SIPA1L2: variants seen among roughly 807,000 people sequenced by gnomAD.
The protein encoded by SIPA1L2 is signal-induced proliferation-associated 1-like protein 2.
In SIPA1L2, 56 loss-of-function variants were observed where a neutral mutation model predicts 163.9. The ratio of observed to expected loss-of-function variants is 0.34; its 90% CI spans 0.28 to 0.43. The LOEUF (loss-of-function observed/expected upper bound fraction) is 0.43. Ranked by LOEUF, SIPA1L2 falls within the 20% of genes least tolerant of loss-of-function variation. SIPA1L2 has a pLI of 1.00. For missense variants in SIPA1L2, 1,974 were observed against 2,193.5 expected (o/e 0.90, Z 2.00); for synonymous variants, 877 against 865.7 (o/e 1.01, Z -0.23).
intron 19 of SIPA1L2, among the ~76,000 whole-genome samples, chr1:232,408,384 A>G (rs958902905): frequency 6.6e-6 from 1 of 151,976 alleles, no homozygotes; most frequent in South Asian, 2.1e-4. Flanking sequence ...AAGCTTTTTA[A>G]TTCTTTTTAA....
chr1:232,448,248 T>C (rs1273577190), intron 10 of SIPA1L2, among the ~76,000 whole-genome samples: 1 of 152,204 alleles, frequency 6.6e-6, no homozygotes, highest in East Asian at 1.9e-4. Context: ...GCGAAGCTAA[T>C]TGGTGCAGTT....
intron 3 of SIPA1L2, among the ~76,000 whole-genome samples, chr1:232,506,490 A>G (rs1304089549): frequency 2.0e-5 from 3 of 152,214 alleles, no homozygotes; most frequent in Non-Finnish European, 4.4e-5. Context: ...ACCTCCAACT[A>G]TAATTAAAAT....
At chr1:232,478,812 A>G (rs11579675) in intron 7 of SIPA1L2, among the ~76,000 whole-genome samples, 1,790 of 149,202 alleles carry the variant, frequency 0.012, 43 homozygotes, top group African/African-American at 0.041. Context: ...AAGCAGTAAC[A>G]TTCTTCAAAA....
Position 232,514,248 on chromosome 1 carries a change from T to A in SIPA1L2, c.1092A>T (p.Ala364=). ...GGCCCGTAGGCATCTGAGTCTGGGATGCTGCAGATGCCCCAGTGGTTATGT... is the reference window on the plus strand; with the variant it reads ...GGCCCGTAGGCATCTGAGTCTGGGAAGCTGCAGATGCCCCAGTGGTTATGT... The part of the protein sequence containing the change: ...RKNITTGASA[A]SQTQMPTGQT... Residue 364 remains alanine (A), a synonymous_variant, in exon 3 of 23, where the codon GCA becomes GCT. Coordinates refer to ENST00000674635, the MANE Select transcript of SIPA1L2 (RefSeq NM_020808.5). The A allele has an allele frequency of 6.2e-7, 1 of 1,614,240 alleles. No homozygotes were observed. Among genetic ancestry groups the A allele is most frequent in the Non-Finnish European group, 8.5e-7 (1 of 1,180,054 alleles).
chr1:232,432,496 T>TA, intron 15 of SIPA1L2, 25 bp from the exon 16 acceptor site: 2 of 1,599,146 alleles, frequency 1.3e-6, no homozygotes, highest in South Asian at 2.2e-5. Flanking sequence ...AGACAAAAGC[T>TA]GCAATACAAT....
intron 22 of SIPA1L2, among the ~76,000 whole-genome samples, 164 bp downstream of exon 22, chr1:232,402,228 G>T (rs1660386327): frequency 6.6e-6 from 1 of 152,192 alleles, no homozygotes; most frequent in Non-Finnish European, 1.5e-5. Flanking sequence ...ATCAGCTGCA[G>T]GTCAGCAGAT....
At chr1:232,551,823 A>G (rs1284995539) in intron 2 of SIPA1L2, among the ~76,000 whole-genome samples, 1 of 152,218 alleles carries the variant, frequency 6.6e-6, no homozygotes, top group East Asian at 1.9e-4. Flanking sequence ...CATGAGAACA[A>G]TAAGGTTATT....
chr1:232,492,997 G>A (rs1257820542), intron 4 of SIPA1L2, among the ~76,000 whole-genome samples: 1 of 152,110 alleles, frequency 6.6e-6, no homozygotes, highest in Non-Finnish European at 1.5e-5. Context: ...CAAATCTCAT[G>A]TCAAATTGGA....
chr1:232,507,794 TA>T (rs1409617407), intron 3 of SIPA1L2, among the ~76,000 whole-genome samples: 31 of 152,366 alleles, frequency 2.0e-4, no homozygotes, highest in Non-Finnish European at 4.0e-4. Context: ...CAGATAACGA[TA>T]ATTGATAATG....
Position 232,607,461 on chromosome 1 carries a change from T to C in SIPA1L2, c.-319+22408A>G, listed in dbSNP as rs367701337. On this transcript the variant is annotated intron_variant, in intron 1 of 22. Transcript: ENST00000674635. Reference sequence around the variant, plus strand: ...ATATTACATTGGGTATCCTTATACATAAATCTTTTAGACCACTTGTGATTA... The same window carrying C: ...ATATTACATTGGGTATCCTTATACACAAATCTTTTAGACCACTTGTGATTA... Among the ~76,000 whole-genome samples, 79 of 152,322 alleles carry C rather than the reference T, an allele frequency of 5.2e-4. 1 individual carries two copies. The highest frequency in any genetic ancestry group is 7.2e-4 in the African/African-American group (30 of 41,572).
At chr1:232,597,922 T>A (rs1463187742) in intron 1 of SIPA1L2, among the ~76,000 whole-genome samples, 1 of 152,088 alleles carries the variant, frequency 6.6e-6, no homozygotes, top group African/African-American at 2.4e-5. Flanking sequence ...ACACCTCACT[T>A]TTAAAACCTG....
intron 1 of SIPA1L2, among the ~76,000 whole-genome samples, chr1:232,621,707 C>T (rs894263336): frequency 2.6e-5 from 4 of 151,962 alleles, no homozygotes; most frequent in Non-Finnish European, 5.9e-5. Flanking sequence ...CAACATTAGT[C>T]TCCTTCACTT....
intron 10 of SIPA1L2, 51 bp downstream of exon 10, chr1:232,460,836 G>C: frequency 3.8e-6 from 6 of 1,579,638 alleles, no homozygotes; most frequent in Non-Finnish European, 5.2e-6. Context: ...ACAGCCACCT[G>C]CTACAGAGGC....
chr1:232,617,899 T>C (rs1455934492), intron 1 of SIPA1L2, among the ~76,000 whole-genome samples: 1 of 151,216 alleles, frequency 6.6e-6, no homozygotes, highest in African/African-American at 2.4e-5. Context: ...CCGAAGTGTT[T>C]AGTGATAAAA....
At chr1:232,575,857 G>A (rs762167065) in intron 1 of SIPA1L2, among the ~76,000 whole-genome samples, 1 of 152,192 alleles carries the variant, frequency 6.6e-6, no homozygotes, top group African/African-American at 2.4e-5. Flanking sequence ...AGGAAGCAAA[G>A]TCTCACACAA....
chr1:232,459,540 T>C lies in SIPA1L2; in HGVS notation c.3095+1347A>G, dbSNP rs1277557812. On this transcript the variant is annotated intron_variant, in intron 10 of 22. Transcript: ENST00000674635. Reference sequence around the variant, plus strand: ...TTTATTATTATTATTTGAGATGCAGTCTCACTCTGCCACCCATGCTGGCGT... The same window carrying C: ...TTTATTATTATTATTTGAGATGCAGCCTCACTCTGCCACCCATGCTGGCGT... 2.6e-5 allele frequency among the ~76,000 whole-genome samples: 4 copies of C among 152,274 alleles called. No homozygotes were observed. In the East Asian group the frequency reaches 7.7e-4, roughly 29 times the overall value.
At chr1:232,424,818 T>A (rs1661790395) in intron 18 of SIPA1L2, among the ~76,000 whole-genome samples, 1 of 152,196 alleles carries the variant, frequency 6.6e-6, no homozygotes, top group Non-Finnish European at 1.5e-5. Context: ...AGATATTTTC[T>A]GTGATGAAAT....
intron 1 of SIPA1L2, among the ~76,000 whole-genome samples, chr1:232,577,132 T>C (rs1266107325): frequency 6.6e-6 from 1 of 152,230 alleles, no homozygotes; most frequent in African/African-American, 2.4e-5. Flanking sequence ...CTGGTGACTT[T>C]AAGTTGAAAC....
intron 10 of SIPA1L2, among the ~76,000 whole-genome samples, chr1:232,447,352 C>T (rs951647921): frequency 6.6e-6 from 1 of 152,250 alleles, no homozygotes. Context: ...TATCTACCCC[C>T]AGCTGGCTGA....
Sources: gnomAD v4.1 joint callset for allele counts (sites outside exome capture counted in the v4.1 genomes callset) on GRCh38, gnomAD v4.1.1 for gene constraint, MANE v1.5 for transcripts, NCBI Gene and HGNC (gene_info 2026-07-23, HGNC 2026-07-21) for gene names.